Variants in ABLIM1 observed in about 807,000 individuals in gnomAD.
ABLIM1 encodes the protein actin-binding LIM protein 1.
A neutral mutation model predicts 107.0 loss-of-function variants in ABLIM1; 40 were observed. The ratio of observed to expected loss-of-function variants is 0.37; its 90% CI spans 0.29 to 0.49. The LOEUF (loss-of-function observed/expected upper bound fraction) is 0.49, where lower values mean the gene tolerates loss of function less well. Ranked by LOEUF, ABLIM1 falls within the 20% of genes least tolerant of loss-of-function variation. The pLI, the probability that ABLIM1 is intolerant of heterozygous loss-of-function variation, is 0.97. For synonymous variants in ABLIM1, 357 were observed against 357.3 expected, an observed-to-expected ratio of 1.00 and a Z score of 0.01; for missense variants, 857 against 1,008.5, an observed-to-expected ratio of 0.85 and a Z score of 2.04.
intron 4 of ABLIM1, among the ~76,000 whole-genome samples, chr10:114,563,714 C>G (rs766484290): frequency 2.0e-5 from 3 of 150,836 alleles, no homozygotes; most frequent in African/African-American, 7.3e-5. Context: ...GTCGTGGTGA[C>G]ACATGCCTGT....
chr10:114,767,656 T>C (rs1350916967), intron 1 of ABLIM1, among the ~76,000 whole-genome samples: 2 of 151,678 alleles, frequency 1.3e-5, no homozygotes, highest in Non-Finnish European at 2.9e-5. Flanking sequence ...CAGCTTTAAA[T>C]CGTGCTGCCT....
Position 114,436,217 on chromosome 10 carries a change from GC to G in ABLIM1, c.*42del, listed in dbSNP as rs1565182593. ...TCAATATGACATCCTATGGGGCACC[GC>G]CACTGTCAGTCCTTTCTCTAATTGC... On this transcript the variant is annotated 3_prime_UTR_variant, in exon 23 of 23. Coordinates refer to ENST00000533213, the MANE Select transcript of ABLIM1 (RefSeq NM_002313.7). The G allele has an allele frequency of 1.3e-6, 2 of 1,519,422 alleles. No individual in the cohort carries two copies. The highest frequency in any genetic ancestry group is 2.3e-5 in the South Asian group (2 of 88,178). The allele number at this position is 1,519,422 out of a possible 1,614,324, so 94.1% of individuals were successfully genotyped here. A position where few individuals can be genotyped will look rare whatever the true frequency, so the allele number is the denominator to read the frequency against.
chr10:114,729,939 A>G (rs2082038582), intron 1 of ABLIM1, among the ~76,000 whole-genome samples: 1 of 152,166 alleles, frequency 6.6e-6, no homozygotes, highest in African/African-American at 2.4e-5. Context: ...AAATAAGTCA[A>G]CCTAATTCAG....
At chr10:114,545,214 C>T in intron 5 of ABLIM1, 116 bp from the exon 6 acceptor site, 1 of 882,248 alleles carries the variant, frequency 1.1e-6, no homozygotes, top group Non-Finnish European at 1.9e-6. Context: ...TTCTCCCCTG[C>T]CCAGTGTTCA....
At chr10:114,473,453 T>A (rs2066969264) in intron 9 of ABLIM1, among the ~76,000 whole-genome samples, 1 of 152,204 alleles carries the variant, frequency 6.6e-6, no homozygotes, top group African/African-American at 2.4e-5. Context: ...AATAATCCTC[T>A]CAGATGGCTA....
At chr10:114,669,749 G>T (rs558147543) in intron 1 of ABLIM1, among the ~76,000 whole-genome samples, 23 of 152,296 alleles carry the variant, frequency 1.5e-4, no homozygotes, top group Non-Finnish European at 2.6e-4. Flanking sequence ...GGATGAAGTG[G>T]GTGGTAGATA....
intron 2 of ABLIM1, among the ~76,000 whole-genome samples, chr10:114,600,564 G>A (rs2075879940): frequency 6.6e-6 from 1 of 152,118 alleles, no homozygotes; most frequent in Non-Finnish European, 1.5e-5. Flanking sequence ...CTACCCAAGA[G>A]CCCCCGTGGC....
chr10:114,438,001 T>C, intron 21 of ABLIM1, 77 bp from the exon 22 acceptor site: 1 of 1,357,460 alleles, frequency 7.4e-7, no homozygotes. Flanking sequence ...TAAACGCTAG[T>C]ACTCCCAAGA....
At position 114,477,000 on chromosome 10, in the gene ABLIM1, C is replaced by A. The variant is rs114729802; in HGVS notation, c.1042-3044G>T. 6.4e-3 allele frequency among the ~76,000 whole-genome samples: 972 copies of A among 151,986 alleles called. 11 individuals carry two copies. The highest frequency in any genetic ancestry group is 0.022 in the African/African-American group (928 of 41,472). ...AATCTCATGTAATCTTCTCGGTAAC[C>A]CTAGGAGGTAGCTTCCATTATTATT... On this transcript the variant is annotated intron_variant, in intron 8 of 22. Coordinates refer to ENST00000533213, the MANE Select transcript of ABLIM1 (RefSeq NM_002313.7).
At chr10:114,644,306 A>AATATATATATATATATAT (rs1244613103) in intron 1 of ABLIM1, among the ~76,000 whole-genome samples, 1 of 52,254 alleles carries the variant, frequency 1.9e-5, no homozygotes, top group African/African-American at 9.2e-5. Flanking sequence ...AAAAAAAAAA[A>AATATATATATATATATAT]ATATATATAT....
At chr10:114,754,022 T>G (rs1436717768) in intron 1 of ABLIM1, among the ~76,000 whole-genome samples, 1 of 152,148 alleles carries the variant, frequency 6.6e-6, no homozygotes, top group East Asian at 1.9e-4. Context: ...TGGCTAATTT[T>G]TTTGTATTTT....
chr10:114,744,150 A>T (rs2082338924), intron 1 of ABLIM1, among the ~76,000 whole-genome samples: 1 of 152,236 alleles, frequency 6.6e-6, no homozygotes, highest in Admixed American at 6.5e-5. Flanking sequence ...TCTAGGGAGA[A>T]GGCAATATAA....
At chr10:114,672,212 A>T (rs1369036313) in intron 1 of ABLIM1, among the ~76,000 whole-genome samples, 3 of 146,958 alleles carry the variant, frequency 2.0e-5, no homozygotes, top group African/African-American at 5.0e-5. Flanking sequence ...TTTATTTTTT[A>T]TTTTTTTAGA....
intron 2 of ABLIM1, among the ~76,000 whole-genome samples, chr10:114,591,457 A>G (rs1234588151): frequency 4.6e-5 from 7 of 152,234 alleles, no homozygotes; most frequent in Non-Finnish European, 8.8e-5. Flanking sequence ...AAATGGTATA[A>G]TTAAATTTGA....
chr10:114,574,294 G>T (rs2072145112), intron 3 of ABLIM1, among the ~76,000 whole-genome samples: 1 of 152,170 alleles, frequency 6.6e-6, no homozygotes, highest in South Asian at 2.1e-4. Context: ...ACCCTTGGTG[G>T]TGAGTCTCCT....
chr10:114,707,081 ATTTTAAGAT>A lies in ABLIM1; in HGVS notation c.-213+60971_-213+60979del, dbSNP rs1018652069. Among the ~76,000 whole-genome samples, 23 of 152,344 alleles carry A rather than the reference ATTTTAAGAT, an allele frequency of 1.5e-4. No individual in the cohort carries two copies. Among genetic ancestry groups the A allele is most frequent in the African/African-American group, 4.8e-4 (20 of 41,578 alleles). On this transcript the variant is annotated intron_variant, in intron 1 of 15. Coordinates refer to the ABLIM1 transcript ENST00000651092. The surrounding 1 kb of genome is among the most constrained non-coding windows in gnomAD (Gnocchi z 4.1). ...AGGTAAAAAGAAACAGGTAAAATTA[ATTTTAAGAT>A]TTTTAAGATTTTTATTTAACCTAAT... is the stretch of plus-strand genomic sequence containing the variant.
rs1480930770 is a variant in ABLIM1 at position 114,615,648 on chromosome 10, T to C, written c.245-13687A>G. 1.8e-5 allele frequency: 8 copies of C among 434,198 alleles called. No homozygotes were observed. In the East Asian group the frequency reaches 5.7e-4, roughly 31 times the overall value. 26.9% of individuals were successfully genotyped at this position (434,198 alleles called of 1,614,324 possible). On this transcript the variant is annotated intron_variant, in intron 1 of 22. Coordinates refer to ENST00000533213, the MANE Select transcript of ABLIM1 (RefSeq NM_002313.7). ...TATGTTCATGTTTTGAATACCAGCC[T>C]GGCTTTCTGTCTCTTTTCCAGAGCA...
intron 12 of ABLIM1, among the ~76,000 whole-genome samples, chr10:114,457,735 C>T (rs2063092319): frequency 1.3e-5 from 2 of 152,180 alleles, no homozygotes; most frequent in Admixed American, 6.5e-5. Context: ...TCATCATCAT[C>T]GTTGTCATCA....
intron 6 of ABLIM1, among the ~76,000 whole-genome samples, chr10:114,535,599 C>A (rs772147901): frequency 6.6e-6 from 1 of 152,126 alleles, no homozygotes; most frequent in African/African-American, 2.4e-5. Context: ...CATGAGCCAC[C>A]GTGCCTGGCC....
Sources: gnomAD v4.1 joint callset for allele counts (sites outside exome capture counted in the v4.1 genomes callset) on GRCh38, gnomAD v4.1.1 for gene constraint, Gnocchi (gnomAD v3.1) non-coding constraint, MANE v1.5 for transcripts, NCBI Gene and HGNC (gene_info 2026-07-23, HGNC 2026-07-21) for gene names.